Variants in HGD observed in about 807,000 individuals in gnomAD.
HGD encodes homogentisate 1,2-dioxygenase.
A neutral mutation model predicts 60.8 loss-of-function variants in HGD; 61 were observed. The observed-to-expected ratio is 1.00, with a 90% CI of 0.82 to 1.24. The LOEUF (loss-of-function observed/expected upper bound fraction) is 1.24, where lower values mean the gene tolerates loss of function less well. Ranked by LOEUF, HGD falls within the 50% of genes most tolerant of loss-of-function variation. The probability of loss-of-function intolerance (pLI) is 0.00; values close to 1 mark genes in which losing one functional copy is unlikely to be tolerated. For missense variants in HGD, 542 were observed against 547.1 expected (o/e 0.99, Z 0.09); for synonymous variants, 212 against 187.7 (o/e 1.13, Z -1.06).
At chr3:120,665,296 G>A (rs1205123282) in intron 4 of HGD, among the ~76,000 whole-genome samples, 2 of 152,204 alleles carry the variant, frequency 1.3e-5, no homozygotes, top group East Asian at 1.9e-4. Flanking sequence ...TACTGGTTAA[G>A]AACCAAGAGG....
intron 3 of HGD, among the ~76,000 whole-genome samples, chr3:120,672,026 G>A (rs1708035765): frequency 6.6e-6 from 1 of 152,020 alleles, no homozygotes; most frequent in African/African-American, 2.4e-5. Context: ...TAAAAAAATG[G>A]CTAATGTATG....
intron 6 of HGD, among the ~76,000 whole-genome samples, chr3:120,650,269 G>C (rs1209156963): frequency 3.9e-5 from 6 of 152,140 alleles, no homozygotes; most frequent in Admixed American, 6.5e-5. Flanking sequence ...ACCACAGTTT[G>C]GATCTAATGT....
chr3:120,644,620 C>G (rs879916677), intron 9 of HGD, 177 bp from the exon 10 acceptor site: 27 of 1,530,744 alleles, frequency 1.8e-5, no homozygotes, highest in Middle Eastern at 1.7e-4. Flanking sequence ...CCCAAGGAAT[C>G]TGGTCAGAAA....
At chr3:120,660,269 T>A (rs1441711473) in intron 4 of HGD, among the ~76,000 whole-genome samples, 1 of 152,202 alleles carries the variant, frequency 6.6e-6, no homozygotes, top group Non-Finnish European at 1.5e-5. Flanking sequence ...AATGGACTAA[T>A]ACAATGTATA....
chr3:120,630,849 C>CACACAT (rs1559780533), intron 13 of HGD, among the ~76,000 whole-genome samples: 18 of 133,090 alleles, frequency 1.4e-4, no homozygotes, highest in South Asian at 2.4e-4. Flanking sequence ...CACATACACA[C>CACACAT]ACACACACAC....
chr3:120,662,074 T>C (rs1707783090), intron 4 of HGD, among the ~76,000 whole-genome samples: 1 of 152,074 alleles, frequency 6.6e-6, no homozygotes, highest in African/African-American at 2.4e-5. Context: ...CCCAGGTAGA[T>C]AAAATGACGA....
intron 9 of HGD, 66 bp from the exon 10 acceptor site, chr3:120,644,509 C>T: frequency 6.2e-7 from 1 of 1,610,646 alleles, no homozygotes; most frequent in South Asian, 1.1e-5. Context: ...CCCATGGTTG[C>T]ATGAAGAGAA....
At chr3:120,633,399 A>G in intron 12 of HGD, 71 bp from the exon 13 acceptor site, 2 of 1,612,508 alleles carry the variant, frequency 1.2e-6, no homozygotes, top group Non-Finnish European at 1.7e-6. Context: ...CCCCTTAAAC[A>G]TTATTTCTGC....
chr3:120,631,433 A>T (rs1396605688), intron 13 of HGD, among the ~76,000 whole-genome samples: 1 of 152,196 alleles, frequency 6.6e-6, no homozygotes, highest in Non-Finnish European at 1.5e-5. Flanking sequence ...ATTATTACGT[A>T]TCATATGCCT....
intron 11 of HGD, among the ~76,000 whole-genome samples, chr3:120,640,420 G>A (rs1940933204): frequency 6.6e-6 from 1 of 152,124 alleles, no homozygotes; most frequent in African/African-American, 2.4e-5. Flanking sequence ...ATGAGTCCAG[G>A]GACAGATGGT....
At chr3:120,634,136 G>T (rs1383743292) in intron 12 of HGD, among the ~76,000 whole-genome samples, 1 of 152,092 alleles carries the variant, frequency 6.6e-6, no homozygotes, top group Non-Finnish European at 1.5e-5. Flanking sequence ...CCCGGGCTCT[G>T]CCTGGATGTG....
chr3:120,681,252 G>A (rs1056901844), intron 1 of HGD, among the ~76,000 whole-genome samples: 4 of 152,350 alleles, frequency 2.6e-5, no homozygotes, highest in Admixed American at 2.0e-4. Context: ...CTGAGCCAAG[G>A]TTCTGGGCAG....
chr3:120,681,094 G>A (rs1183892638), intron 1 of HGD, among the ~76,000 whole-genome samples: 3 of 152,192 alleles, frequency 2.0e-5, no homozygotes, highest in Non-Finnish European at 2.9e-5. Context: ...CTACCAATTA[G>A]GAAGGTGTTT....
chr3:120,644,536 C>T, intron 9 of HGD, 93 bp from the exon 10 acceptor site: 1 of 1,596,262 alleles, frequency 6.3e-7, no homozygotes, highest in Non-Finnish European at 8.5e-7. Flanking sequence ...TCTTTCATGT[C>T]AAGAGCTACT....
At chr3:120,664,388 T>C (rs866599561) in intron 4 of HGD, among the ~76,000 whole-genome samples, 2 of 152,058 alleles carry the variant, frequency 1.3e-5, no homozygotes, top group African/African-American at 4.8e-5. Context: ...TCTTTTCTCT[T>C]TCTTTTCTTT....
chr3:120,638,658 A>C (rs574281428), intron 11 of HGD, 77 bp from the exon 12 acceptor site: 4 of 1,536,098 alleles, frequency 2.6e-6, no homozygotes, highest in East Asian at 4.5e-5. Flanking sequence ...TCATGCATAC[A>C]TGAAGGTGTT....
At chr3:120,639,193 G>A (rs1233916527) in intron 11 of HGD, among the ~76,000 whole-genome samples, 4 of 152,100 alleles carry the variant, frequency 2.6e-5, no homozygotes, top group Non-Finnish European at 4.4e-5. Flanking sequence ...TATCCAATAG[G>A]TAGTTTTTTC....
intron 4 of HGD, among the ~76,000 whole-genome samples, chr3:120,669,029 T>A (rs1707964935): frequency 6.6e-6 from 1 of 152,074 alleles, no homozygotes; most frequent in African/African-American, 2.4e-5. Context: ...ACGTAAGTAA[T>A]AACGATAATT....
rs886415775 is a variant in HGD, at chr3:120,675,846, C to G, written c.33G>C (p.Gly11=). 1 of 1,613,356 alleles carries G rather than the reference C, an allele frequency of 6.2e-7. No individual in the cohort carries two copies. The highest frequency in any genetic ancestry group is 8.5e-7 in the Non-Finnish European group (1 of 1,179,502). Residue 11 remains glycine (G), a synonymous_variant, in exon 2 of 14, where the codon GGG becomes GGC. Transcript: ENST00000283871. MAELKYISGF[G]NECSSEDPRC... is the part of the protein sequence containing the mutation. ...GAGGATCCTCTGAAGAACACTCATT[C>G]CCAAATCCAGAAATGTACTGTAGGT... is the stretch of plus-strand genomic sequence containing the variant.
Sources: gnomAD v4.1 joint callset for allele counts (sites outside exome capture counted in the v4.1 genomes callset) on GRCh38, gnomAD v4.1.1 for gene constraint, MANE v1.5 for transcripts, NCBI Gene and HGNC (gene_info 2026-07-23, HGNC 2026-07-21) for gene names.